The following ZNF83 variants were observed in gnomAD, a reference collection of about 807,000 sequenced individuals.
ZNF83 encodes the protein zinc finger protein 83, also known as zinc finger protein 816B.
For synonymous variants in ZNF83, 209 were observed against 213.0 expected, an observed-to-expected ratio of 0.98 and a Z score of 0.17; for missense variants, 552 against 629.9, an observed-to-expected ratio of 0.88 and a Z score of 1.32.
At chr19:52,628,048 C>G (rs899771134) in intron 2 of ZNF83, among the ~76,000 whole-genome samples, 15 of 144,400 alleles carry the variant, frequency 1.0e-4, no homozygotes, top group Non-Finnish European at 2.3e-4. Context: ...TTTCCTTTAC[C>G]TACCCAAATC....
chr19:52,685,299 TC>T (rs943386417), intron 1 of ZNF83, among the ~76,000 whole-genome samples: 4 of 151,996 alleles, frequency 2.6e-5, no homozygotes, highest in African/African-American at 9.7e-5. Flanking sequence ...CCTGAGAAGA[TC>T]TGAGATGAGT....
chr19:52,658,413 A>G (rs1196804881), intron 2 of ZNF83, among the ~76,000 whole-genome samples: 1 of 152,028 alleles, frequency 6.6e-6, no homozygotes, highest in Non-Finnish European at 1.5e-5. Context: ...CAAAAATACA[A>G]CAATTAGCCA....
At chr19:52,639,413 C>CTTTTTT (rs1206783591), upstream of ZNF83, among the ~76,000 whole-genome samples, 118 of 53,804 alleles carry the variant, frequency 2.2e-3, no homozygotes, top group African/African-American at 7.1e-3. Context: ...TTAGTTTTTT[C>CTTTTTT]TATTTTTTTT....
intron 2 of ZNF83, among the ~76,000 whole-genome samples, chr19:52,630,712 G>A (rs1023480608): frequency 7.9e-5 from 12 of 151,936 alleles, no homozygotes; most frequent in East Asian, 7.8e-4. Flanking sequence ...TCACATGCCC[G>A]TTACCATCCC....
At chr19:52,680,323 C>G (rs1211123705) in intron 1 of ZNF83, among the ~76,000 whole-genome samples, 1 of 152,142 alleles carries the variant, frequency 6.6e-6, no homozygotes, top group African/African-American at 2.4e-5. Flanking sequence ...CTGTAGCTCT[C>G]CCACATCACT....
At chr19:52,628,752 C>G (rs2147142847) in intron 2 of ZNF83, among the ~76,000 whole-genome samples, 1 of 151,934 alleles carries the variant, frequency 6.6e-6, no homozygotes, top group South Asian at 2.1e-4. Context: ...AACCCCTTCT[C>G]CTTCACCCTT....
chr19:52,654,690 C>T lies in ZNF83; in HGVS notation c.-74+871G>A, dbSNP rs550151815. On this transcript the variant is annotated intron_variant, in intron 3 of 5. Coordinates refer to the ZNF83 transcript ENST00000594682. ...AGAGATCACATCATTGCACTCCAGC[C>T]TGGGCAACAAGAGCAAAATTCCATG... Among the ~76,000 whole-genome samples, 27 of 152,248 alleles carry T rather than the reference C, an allele frequency of 1.8e-4. No individual in the cohort carries two copies. In the South Asian group the frequency reaches 2.5e-3, roughly 14 times the overall value.
At position 52,646,008 on chromosome 19, in the gene ZNF83, C is replaced by T. The variant is rs539227849; in HGVS notation, c.-74+9553G>A. Among the ~76,000 whole-genome samples the T allele has an allele frequency of 3.0e-4, 45 of 152,118 alleles. No individual in the cohort carries two copies. The South Asian group carries it at 8.1e-3, about 27-fold the overall frequency. ...AGGCTGCAGGGCAGTGGCATGATTT[C>T]GGCTCACTGCAACCTCTACTTCCCA... On this transcript the variant is annotated intron_variant, in intron 3 of 5. Coordinates refer to the ZNF83 transcript ENST00000594682.
intron 3 of ZNF83, among the ~76,000 whole-genome samples, chr19:52,649,347 G>A (rs374268644): frequency 1.2e-3 from 179 of 152,254 alleles, no homozygotes; most frequent in African/African-American, 4.0e-3. Flanking sequence ...AAAAGATCTT[G>A]TATGAGCCGG....
chr19:52,628,240 T>TC (rs2060816283), intron 2 of ZNF83, among the ~76,000 whole-genome samples: 1 of 152,140 alleles, frequency 6.6e-6, no homozygotes, highest in African/African-American at 2.4e-5. Flanking sequence ...GGGAGATCAA[T>TC]CGCTGTCCTC....
chr19:52,676,365 C>T (rs1402408641), intron 1 of ZNF83, among the ~76,000 whole-genome samples: 4 of 152,192 alleles, frequency 2.6e-5, no homozygotes, highest in South Asian at 4.1e-4. Flanking sequence ...CCTTGGCCTC[C>T]CAAAGTGCCG....
At chr19:52,651,697 AAAAAAAGAAAGAAAGAAAAG>A (rs1186855757) in intron 3 of ZNF83, 3 of 158,186 alleles carry the variant, frequency 1.9e-5, no homozygotes, top group Admixed American at 6.5e-5. Context: ...AAAAAAAAAA[AAAAAAAGAAAGAAAGAAAAG>A]AAAAGAAAGA....
chr19:52,672,567 G>A (rs2061740653), intron 1 of ZNF83, among the ~76,000 whole-genome samples: 1 of 152,182 alleles, frequency 6.6e-6, no homozygotes, highest in Non-Finnish European at 1.5e-5. Context: ...AGGCAACATA[G>A]CACCTCATCT....
At chr19:52,623,784 G>A (rs1456869290) in intron 2 of ZNF83, among the ~76,000 whole-genome samples, 1 of 152,094 alleles carries the variant, frequency 6.6e-6, no homozygotes, top group Non-Finnish European at 1.5e-5. Flanking sequence ...GCTACAGCAT[G>A]AGCTTCTAAA....
intron 1 of ZNF83, among the ~76,000 whole-genome samples, chr19:52,685,304 G>C (rs1039031237): frequency 6.6e-6 from 1 of 152,124 alleles, no homozygotes; most frequent in African/African-American, 2.4e-5. Flanking sequence ...GAAGATCTGA[G>C]ATGAGTGAGA....
intron 2 of ZNF83, among the ~76,000 whole-genome samples, chr19:52,620,738 C>G (rs781780724): frequency 6.6e-6 from 1 of 152,194 alleles, no homozygotes; most frequent in Non-Finnish European, 1.5e-5. Context: ...CTGAGGCAAG[C>G]GAAAAGCACA....
At chr19:52,637,773 G>T (rs1218814517) in intron 1 of ZNF83, among the ~76,000 whole-genome samples, 1 of 152,152 alleles carries the variant, frequency 6.6e-6, no homozygotes, top group Non-Finnish European at 1.5e-5. Flanking sequence ...ACAGGCCCCG[G>T]GTACCTCCCC....
At chr19:52,680,604 ATATTTT>A (rs1568582579) in intron 1 of ZNF83, among the ~76,000 whole-genome samples, 5 of 89,932 alleles carry the variant, frequency 5.6e-5, no homozygotes, top group Non-Finnish European at 7.8e-5. Flanking sequence ...TTTCCACAAA[ATATTTT>A]TTTTTTTTTT....
rs868691595 is a variant in ZNF83 at position 52,687,420 on chromosome 19, A to G, written c.-283+3023T>C. Among the ~76,000 whole-genome samples the G allele has an allele frequency of 8.7e-5, 4 of 46,040 alleles. 2 individuals carry two copies. Among genetic ancestry groups the G allele is most frequent in the East Asian group, 9.1e-4 (2 of 2,190 alleles). 30.2% of individuals were successfully genotyped at this position (46,040 alleles called of 152,430 possible). ...TTTATATAGCTATATAAATTATAAT[A>G]TAAATTATAATTTATATAGCTATAT... On this transcript the variant is annotated intron_variant, in intron 1 of 5. Transcript: ENST00000594682.
Sources: allele counts gnomAD v4.1 joint callset (sites outside exome capture counted in the v4.1 genomes callset), GRCh38; gene constraint gnomAD v4.1.1; transcripts MANE v1.5; gene names NCBI Gene and HGNC (gene_info 2026-07-23, HGNC 2026-07-21).